The following MYO16 variants were observed in gnomAD, a reference collection of about 807,000 sequenced individuals.
MYO16 encodes unconventional myosin-XVI.
A neutral mutation model predicts 205.3 loss-of-function variants in MYO16; 94 were observed. The ratio of observed to expected loss-of-function variants is 0.46; its 90% CI spans 0.39 to 0.54. MYO16 has a LOEUF of 0.54. MYO16 is among the 20% of genes least tolerant of loss of function. The probability of loss-of-function intolerance (pLI) is 0.00; values close to 1 mark genes in which losing one functional copy is unlikely to be tolerated. For synonymous variants in MYO16, 988 were observed against 954.0 expected (o/e 1.04, Z -0.66); for missense variants, 2,315 against 2,387.5 (o/e 0.97, Z 0.63).
At chr13:109,003,472 T>C (rs1050775670) in intron 21 of MYO16, among the ~76,000 whole-genome samples, 7 of 152,222 alleles carry the variant, frequency 4.6e-5, no homozygotes, top group African/African-American at 1.7e-4. Context: ...ATCAATCATT[T>C]TGATTGACCA....
At chr13:108,780,662 A>T (rs1278910728) in intron 4 of MYO16, among the ~76,000 whole-genome samples, 1 of 152,218 alleles carries the variant, frequency 6.6e-6, no homozygotes, top group East Asian at 1.9e-4. Flanking sequence ...ATTTTTAATG[A>T]TTAGTTTAAG....
chr13:109,197,784 A>G (rs963349667), intron 34 of MYO16, among the ~76,000 whole-genome samples: 5 of 152,222 alleles, frequency 3.3e-5, no homozygotes, highest in African/African-American at 4.8e-5. Context: ...CATTTCAGCT[A>G]TAAAACCAAG....
chr13:108,609,929 G>C (rs1879109495), intron 1 of MYO16, among the ~76,000 whole-genome samples: 1 of 152,092 alleles, frequency 6.6e-6, no homozygotes, highest in Non-Finnish European at 1.5e-5. Context: ...ATGGACACTT[G>C]AAAGAGTGCT....
At chr13:108,696,101 T>G (rs1338785992) in intron 2 of MYO16, among the ~76,000 whole-genome samples, 1 of 152,220 alleles carries the variant, frequency 6.6e-6, no homozygotes, top group Non-Finnish European at 1.5e-5. Flanking sequence ...AGCATTGCTG[T>G]GAACGTGTAG....
At chr13:108,814,106 T>C (rs916889132) in intron 7 of MYO16, among the ~76,000 whole-genome samples, 124 of 152,206 alleles carry the variant, frequency 8.1e-4, no homozygotes, top group Non-Finnish European at 8.8e-4. Context: ...ACTTTTATGA[T>C]TTAAATGCTT....
At chr13:108,970,331 C>A (rs1883961804) in intron 20 of MYO16, among the ~76,000 whole-genome samples, 1 of 152,200 alleles carries the variant, frequency 6.6e-6, no homozygotes, top group Non-Finnish European at 1.5e-5. Flanking sequence ...AATGTCCCAC[C>A]TCCTTTTCAC....
At chr13:108,624,229 A>G (rs889081831) in intron 1 of MYO16, among the ~76,000 whole-genome samples, 21 of 152,218 alleles carry the variant, frequency 1.4e-4, no homozygotes, top group African/African-American at 4.8e-4. Flanking sequence ...TGACAAATGT[A>G]TAGAGATCTG....
At chr13:108,607,428 A>G (rs558353621) in intron 1 of MYO16, among the ~76,000 whole-genome samples, 1 of 152,236 alleles carries the variant, frequency 6.6e-6, no homozygotes, top group South Asian at 2.1e-4. Flanking sequence ...TTCTCATGAC[A>G]GTGAGTGAAT....
At chr13:108,846,272 C>CA (rs746581079) in intron 10 of MYO16, among the ~76,000 whole-genome samples, 1 of 152,076 alleles carries the variant, frequency 6.6e-6, no homozygotes, top group Non-Finnish European at 1.5e-5. Flanking sequence ...ATTTAAGACT[C>CA]AAATTAGTTT....
intron 32 of MYO16, among the ~76,000 whole-genome samples, chr13:109,157,908 G>A (rs912560577): frequency 2.6e-5 from 4 of 152,164 alleles, no homozygotes; most frequent in South Asian, 2.1e-4. Context: ...GTCATCTGCC[G>A]TGCTCCATAA....
chr13:109,199,855 G>A (rs927569935), intron 34 of MYO16, among the ~76,000 whole-genome samples: 2 of 152,088 alleles, frequency 1.3e-5, no homozygotes, highest in Non-Finnish European at 2.9e-5. Context: ...GTTACCAGTA[G>A]TACATAAAGT....
chr13:108,791,564 C>T (rs567906086), intron 5 of MYO16, among the ~76,000 whole-genome samples: 3 of 152,228 alleles, frequency 2.0e-5, no homozygotes, highest in African/African-American at 7.2e-5. Flanking sequence ...AGTTACTTGC[C>T]CACATTGGCA....
intron 1 of MYO16, among the ~76,000 whole-genome samples, chr13:108,631,655 C>T (rs2139356161): frequency 6.6e-6 from 1 of 152,194 alleles, no homozygotes; most frequent in Admixed American, 6.5e-5. Context: ...TTATGAAATG[C>T]TAACTTTACT....
intron 12 of MYO16, among the ~76,000 whole-genome samples, chr13:108,879,921 C>G (rs9514936): frequency 0.12 from 17,731 of 152,214 alleles, 1,349 homozygotes; most frequent in Non-Finnish European, 0.17. Flanking sequence ...GTTCTAGATC[C>G]TTGTGGAATG....
the MYO16 span, among the ~76,000 whole-genome samples, chr13:108,560,499 T>C: frequency 6.6e-6 from 1 of 152,246 alleles, no homozygotes; most frequent in African/African-American, 2.4e-5. Flanking sequence ...AAAGGGTACT[T>C]GAAAATTAAG....
rs73619909 is a variant in MYO16 at position 109,114,411 on chromosome 13, G to A, written c.3439-5959G>A. On this transcript the variant is annotated intron_variant, in intron 28 of 34. Transcript: ENST00000457511. ...CTTCTTTTAGTCTGGAGCCTAGAGA[G>A]CTCCGATTCATCTTATCTCTGGCAC... Among the ~76,000 whole-genome samples the A allele has an allele frequency of 5.6e-3, 860 of 152,292 alleles. 4 individuals are homozygous for A. The highest frequency in any genetic ancestry group is 0.014 in the African/African-American group (598 of 41,572).
intron 31 of MYO16, among the ~76,000 whole-genome samples, chr13:109,135,880 T>C (rs1349533998): frequency 6.6e-6 from 1 of 152,184 alleles, no homozygotes; most frequent in Non-Finnish European, 1.5e-5. Context: ...TTGATATTCT[T>C]AGAAGACCTG....
In MYO16 at chr13:109,055,347, T is replaced by G. The variant is rs1478607875; in HGVS notation, c.3130-43T>G. The G allele has an allele frequency of 6.8e-7, 1 of 1,475,542 alleles. No individual in the cohort carries two copies. Among genetic ancestry groups the G allele is most frequent in the Non-Finnish European group, 9.3e-7 (1 of 1,071,748 alleles). 91.4% of individuals were successfully genotyped at this position (1,475,542 alleles called of 1,614,324 possible). A position where few individuals can be genotyped will look rare whatever the true frequency, so the allele number is the denominator to read the frequency against. ...AAAACTGCTTTATATTTTTAGCTAG[T>G]GTCTCCTTTGGAGAATCAGTTGGGT... On this transcript the variant is annotated intron_variant, in intron 26 of 34. Transcript: ENST00000457511. The surrounding 1 kb of genome is among the most constrained non-coding windows in gnomAD (Gnocchi z 5.0).
At chr13:108,826,921 G>A (rs576496682) in intron 9 of MYO16, among the ~76,000 whole-genome samples, 3 of 152,264 alleles carry the variant, frequency 2.0e-5, no homozygotes, top group African/African-American at 7.2e-5. Flanking sequence ...TGCCACTCTC[G>A]TATGGTGGTA....
Sources: allele counts gnomAD v4.1 joint callset (sites outside exome capture counted in the v4.1 genomes callset), GRCh38; gene constraint gnomAD v4.1.1; non-coding constraint Gnocchi (gnomAD v3.1); transcripts MANE v1.5; gene names NCBI Gene and HGNC (gene_info 2026-07-23, HGNC 2026-07-21).